The following RIMS4 variants were observed in gnomAD, a reference collection of about 807,000 sequenced individuals.
RIMS4 encodes the protein regulating synaptic membrane exocytosis protein 4.
A neutral mutation model predicts 29.0 loss-of-function variants in RIMS4; 9 were observed. That is an observed-to-expected ratio of 0.31 (90% CI 0.19 to 0.54). The LOEUF is 0.54. Ranked by LOEUF, RIMS4 falls within the 20% of genes least tolerant of loss-of-function variation. RIMS4 has a pLI of 0.94. For missense variants in RIMS4, 193 were observed against 365.7 expected, an observed-to-expected ratio of 0.53 and a Z score of 3.85; for synonymous variants, 130 against 152.9, an observed-to-expected ratio of 0.85 and a Z score of 1.10.
At chr20:44,773,490 AC>A (rs200154213) in intron 1 of RIMS4, among the ~76,000 whole-genome samples, 8 of 148,026 alleles carry the variant, frequency 5.4e-5, no homozygotes, top group South Asian at 2.2e-4. Flanking sequence ...AGGAACAAAC[AC>A]CCCCCCCACA....
At position 44,753,791 on chromosome 20, in the gene RIMS4, C is replaced by T. The variant is rs2066045670; in HGVS notation, c.*2343G>A. 1 of 152,756 alleles carries T rather than the reference C, an allele frequency of 6.5e-6. No individual in the cohort carries two copies. Among genetic ancestry groups the T allele is most frequent in the Non-Finnish European group, 1.5e-5 (1 of 68,142 alleles). The allele number at this position is 152,756 out of a possible 1,614,324, so 9.5% of individuals were successfully genotyped here. On this transcript the variant is annotated 3_prime_UTR_variant, in exon 6 of 6. Transcript: ENST00000372851. Reference sequence around the variant, plus strand: ...GAAACAGGGCTCCAGCCCCCAGCTGCTCCACCCCTCCAGGAGGTGAGCGGG... The same window carrying T: ...GAAACAGGGCTCCAGCCCCCAGCTGTTCCACCCCTCCAGGAGGTGAGCGGG...
chr20:44,757,904 C>T, intron 3 of RIMS4, 133 bp from the exon 4 acceptor site: 3 of 956,460 alleles, frequency 3.1e-6, no homozygotes, highest in Non-Finnish European at 4.9e-6. Context: ...GAACCAACTC[C>T]CACCAAGTGC....
chr20:44,764,658 T>C (rs545251668), intron 2 of RIMS4, among the ~76,000 whole-genome samples: 202 of 152,306 alleles, frequency 1.3e-3, no homozygotes, highest in South Asian at 6.6e-3. Context: ...GTGCCGTGGA[T>C]GTCTGAGGCG....
Position 44,755,735 on chromosome 20 carries a change from AT to A in RIMS4, c.*398del, listed in dbSNP as rs1179078613. On this transcript the variant is annotated 3_prime_UTR_variant, in exon 6 of 6. Transcript: ENST00000372851. ...GCCGCAGGAAAGACACTTGCTGGTA[AT>A]TGGCACCATGGAGATGGCCGGCTGG... 5.9e-6 allele frequency: 1 copy of A among 169,066 alleles called. No homozygotes were observed. The highest frequency in any genetic ancestry group is 1.3e-5 in the Non-Finnish European group (1 of 78,538). 10.5% of individuals were successfully genotyped at this position (169,066 alleles called of 1,614,324 possible). A position where few individuals can be genotyped will look rare whatever the true frequency, so the allele number is the denominator to read the frequency against.
chr20:44,761,878 C>T (rs944614945), intron 2 of RIMS4, among the ~76,000 whole-genome samples: 1 of 152,148 alleles, frequency 6.6e-6, no homozygotes, highest in Non-Finnish European at 1.5e-5. Flanking sequence ...AATAAAGTCA[C>T]GTAAGTGTCT....
Position 44,771,347 on chromosome 20 carries a change from G to C in RIMS4, c.164C>G (p.Pro55Arg). 2.5e-6 allele frequency: 4 copies of C among 1,613,940 alleles called. No homozygotes were observed. Among genetic ancestry groups the C allele is most frequent in the Non-Finnish European group, 3.4e-6 (4 of 1,179,930 alleles). ...STETGLAVEMPSRTLRQASHE... is the reference protein window; with the variant it reads ...STETGLAVEMRSRTLRQASHE... ...GCTGGCCTGGCGCAGTGTCCGGCTG[G>C]GCATCTCCACTGCCAGGCCCGTCTC... The change falls in exon 2 of 6, where the codon CCC becomes CGC. Residue 55 changes from proline (P) to arginine (R), a missense_variant. Pro to Arg is a moderately radical substitution (Grantham distance 103). Coordinates refer to ENST00000372851, the MANE Select transcript of RIMS4 (RefSeq NM_182970.4).
chr20:44,804,098 T>C (rs1246047711), intron 1 of RIMS4, among the ~76,000 whole-genome samples: 2 of 152,156 alleles, frequency 1.3e-5, no homozygotes, highest in East Asian at 1.9e-4. Flanking sequence ...CCCTATAACC[T>C]GAGAAAGTCA....
intron 1 of RIMS4, among the ~76,000 whole-genome samples, chr20:44,774,050 A>C (rs2066148975): frequency 6.6e-6 from 1 of 151,946 alleles, no homozygotes. Flanking sequence ...CACCTTCCCC[A>C]AGCTAGGGAC....
intron 1 of RIMS4, among the ~76,000 whole-genome samples, chr20:44,808,364 G>A (rs2066308319): frequency 6.6e-6 from 1 of 152,120 alleles, no homozygotes; most frequent in African/African-American, 2.4e-5. Context: ...CAATAACCAA[G>A]GTGTTTGACC....
chr20:44,788,594 G>A (rs192053326), intron 1 of RIMS4, among the ~76,000 whole-genome samples: 8 of 152,144 alleles, frequency 5.3e-5, no homozygotes, highest in Admixed American at 1.3e-4. Flanking sequence ...GCAACATAGC[G>A]AGACCCTGTC....
intron 1 of RIMS4, among the ~76,000 whole-genome samples, chr20:44,792,485 T>C (rs925369960): frequency 1.3e-5 from 2 of 151,914 alleles, no homozygotes; most frequent in African/African-American, 2.4e-5. Context: ...AGAGACAGGG[T>C]TTCTCCATGT....
At chr20:44,806,678 T>C (rs1284686784) in intron 1 of RIMS4, among the ~76,000 whole-genome samples, 1 of 152,222 alleles carries the variant, frequency 6.6e-6, no homozygotes, top group East Asian at 1.9e-4. Flanking sequence ...AGTGAGAGCC[T>C]ACCTCATGCC....
At chr20:44,782,956 C>G (rs1381277077) in intron 1 of RIMS4, among the ~76,000 whole-genome samples, 1 of 152,200 alleles carries the variant, frequency 6.6e-6, no homozygotes, top group Non-Finnish European at 1.5e-5. Flanking sequence ...TCTCATACCC[C>G]TTGTGGGACT....
At chr20:44,765,739 C>T (rs1397894264) in intron 2 of RIMS4, among the ~76,000 whole-genome samples, 1 of 152,170 alleles carries the variant, frequency 6.6e-6, no homozygotes, top group Non-Finnish European at 1.5e-5. Context: ...CTCTGCTTCC[C>T]TGGGCTGTGG....
intron 1 of RIMS4, among the ~76,000 whole-genome samples, chr20:44,786,905 A>G (rs532992129): frequency 2.0e-5 from 3 of 152,144 alleles, no homozygotes; most frequent in Non-Finnish European, 2.9e-5. Flanking sequence ...CACTTTCTAC[A>G]TGTCCAACAC....
intron 2 of RIMS4, among the ~76,000 whole-genome samples, chr20:44,758,925 T>A (rs1055966480): frequency 3.9e-5 from 6 of 152,222 alleles, no homozygotes; most frequent in African/African-American, 1.4e-4. Context: ...AGCTCCTGGA[T>A]CAAGCTCTGC....
chr20:44,761,122 A>T (rs1300770142), intron 2 of RIMS4, among the ~76,000 whole-genome samples: 2 of 152,202 alleles, frequency 1.3e-5, no homozygotes, highest in Non-Finnish European at 2.9e-5. Flanking sequence ...CAAACAGAGG[A>T]CACAGCGGGA....
intron 2 of RIMS4, among the ~76,000 whole-genome samples, chr20:44,768,866 C>A (rs2066124930): frequency 6.6e-6 from 1 of 152,220 alleles, no homozygotes; most frequent in Non-Finnish European, 1.5e-5. Context: ...ACCAAAACAG[C>A]AAAATAGCCA....
intron 1 of RIMS4, among the ~76,000 whole-genome samples, chr20:44,775,601 C>A (rs906029375): frequency 1.3e-5 from 2 of 152,214 alleles, no homozygotes; most frequent in African/African-American, 2.4e-5. Context: ...GGGGCTGGGG[C>A]CACCCTTTCG....
Sources: allele counts gnomAD v4.1 joint callset (sites outside exome capture counted in the v4.1 genomes callset), GRCh38; gene constraint gnomAD v4.1.1; transcripts MANE v1.5; gene names NCBI Gene and HGNC (gene_info 2026-07-23, HGNC 2026-07-21).